The following AIM2 variants were observed in gnomAD, a reference collection of about 807,000 sequenced individuals.
The protein encoded by AIM2 is interferon-inducible protein AIM2.
In AIM2, 30 loss-of-function variants were observed where a neutral mutation model predicts 27.7. The ratio of observed to expected loss-of-function variants is 1.08; its 90% CI spans 0.81 to 1.47. The LOEUF (loss-of-function observed/expected upper bound fraction) is 1.47, where lower values mean the gene tolerates loss of function less well. AIM2 is among the 40% of genes most tolerant of loss of function. The probability of loss-of-function intolerance (pLI) is 0.00; values close to 1 mark genes in which losing one functional copy is unlikely to be tolerated. For synonymous variants in AIM2, 141 were observed against 145.3 expected (o/e 0.97, Z 0.21); for missense variants, 358 against 411.3 (o/e 0.87, Z 1.12).
chr1:159,120,093 T>C (rs375658880), intron 1 of AIM2, among the ~76,000 whole-genome samples: 161 of 152,286 alleles, frequency 1.1e-3, no homozygotes, highest in Non-Finnish European at 2.0e-3. Context: ...TATTTATTTC[T>C]CTTTTCTCAT....
At chr1:159,140,674 A>T (rs920898195), upstream of AIM2, among the ~76,000 whole-genome samples, 10 of 152,172 alleles carry the variant, frequency 6.6e-5, no homozygotes, top group African/African-American at 2.4e-4. Flanking sequence ...AGAGGTAGCA[A>T]TATGCAAGGG....
At chr1:159,125,348 A>T (rs1448911054) in intron 1 of AIM2, among the ~76,000 whole-genome samples, 1 of 152,228 alleles carries the variant, frequency 6.6e-6, no homozygotes, top group African/African-American at 2.4e-5. Context: ...AGAGGCTGTG[A>T]GCTTAGATTT....
intron 1 of AIM2, among the ~76,000 whole-genome samples, chr1:159,092,280 T>C (rs572378456): frequency 6.6e-6 from 1 of 152,136 alleles, no homozygotes; most frequent in Non-Finnish European, 1.5e-5. Flanking sequence ...CTGAAAACAA[T>C]TAAGTTACTA....
chr1:159,117,648 T>C (rs894332513), intron 1 of AIM2, among the ~76,000 whole-genome samples: 1 of 152,010 alleles, frequency 6.6e-6, no homozygotes, highest in Admixed American at 6.6e-5. Flanking sequence ...GCTTTTAAAA[T>C]AAAATGGTTA....
Position 159,073,325 on chromosome 1 carries a change from C to A in AIM2, c.175G>T (p.Val59Leu). 6.2e-7 allele frequency: 1 copy of A among 1,614,216 alleles called. No individual in the cohort carries two copies. Among genetic ancestry groups the A allele is most frequent in the Middle Eastern group, 1.6e-4 (1 of 6,062 alleles). The change falls in exon 2 of 6, where the codon GTG (valine) becomes TTG (leucine). Residue 59 changes from valine (V) to leucine (L), a missense_variant. Transcript: ENST00000368130. ...CGAATGGTCTTCATCACTGCAGACA[C>A]CGCCCCAGCATTTTGAATCATCAAG... is the stretch of plus-strand genomic sequence containing the variant. ...ATLMIQNAGAVSAVMKTIRIF... is the reference protein window; with the variant it reads ...ATLMIQNAGALSAVMKTIRIF...
At chr1:159,100,092 AG>A in intron 1 of AIM2, among the ~76,000 whole-genome samples, 1 of 152,350 alleles carries the variant, frequency 6.6e-6, no homozygotes, top group Admixed American at 6.5e-5. Flanking sequence ...CATCATGCAA[AG>A]TAAACTTTCC....
At chr1:159,116,003 C>T (rs1385800018) in intron 1 of AIM2, among the ~76,000 whole-genome samples, 2 of 151,344 alleles carry the variant, frequency 1.3e-5, no homozygotes, top group African/African-American at 4.9e-5. Flanking sequence ...ACAAACAACC[C>T]CATCAATAAG....
At chr1:159,094,694 T>C (rs1657132878) in intron 1 of AIM2, among the ~76,000 whole-genome samples, 4 of 152,134 alleles carry the variant, frequency 2.6e-5, no homozygotes, top group Admixed American at 1.3e-4. Flanking sequence ...CGAGACTCTG[T>C]CTCCGAAGAA....
chr1:159,110,778 T>A (rs1208718525), intron 1 of AIM2, among the ~76,000 whole-genome samples: 1 of 152,206 alleles, frequency 6.6e-6, no homozygotes, highest in Non-Finnish European at 1.5e-5. Flanking sequence ...ACAACTGAGA[T>A]CAAACCCTTC....
chr1:159,102,815 A>G (rs910719126), intron 1 of AIM2, among the ~76,000 whole-genome samples: 2 of 152,190 alleles, frequency 1.3e-5, no homozygotes, highest in African/African-American at 4.8e-5. Flanking sequence ...CTAAGAAGTA[A>G]CCAACTTGGT....
At chr1:159,121,257 C>T (rs1647527317) in intron 1 of AIM2, among the ~76,000 whole-genome samples, 1 of 152,144 alleles carries the variant, frequency 6.6e-6, no homozygotes, top group African/African-American at 2.4e-5. Flanking sequence ...TTTTCAATTC[C>T]AGTTAAGCCA....
At chr1:159,057,675 A>C (rs985255912), downstream of AIM2, among the ~76,000 whole-genome samples, 5 of 152,214 alleles carry the variant, frequency 3.3e-5, no homozygotes, top group African/African-American at 4.8e-5. Context: ...TCTAAACTGT[A>C]GGCAAAAACT....
rs1656091765 is a variant in AIM2, at chr1:159,066,306, G to C, written c.420C>G (p.Ala140=). Residue 140 remains alanine, a synonymous_variant, in exon 4 of 6, where the codon GCC becomes GCG. Transcript: ENST00000368130. ...ACCCTTCTCTGATAGATTCCTGCTG[G>C]GCCACCATCTGTTTCTGTTCAGGCT... ...HVKPEQKQMV[A]QQESIREGFQ... The C allele has an allele frequency of 6.2e-7, 1 of 1,612,778 alleles. No homozygotes were observed. Among genetic ancestry groups the C allele is most frequent in the African/African-American group, 1.3e-5 (1 of 74,740 alleles).
At chr1:159,113,152 G>A (rs1165078418) in intron 1 of AIM2, among the ~76,000 whole-genome samples, 2 of 152,056 alleles carry the variant, frequency 1.3e-5, no homozygotes, top group African/African-American at 4.8e-5. Context: ...CACCATGTTA[G>A]CCAGGATGGT....
chr1:159,100,116 T>G (rs1366820971), intron 1 of AIM2, among the ~76,000 whole-genome samples: 1 of 152,250 alleles, frequency 6.6e-6, no homozygotes, highest in Non-Finnish European at 1.5e-5. Flanking sequence ...AAACATGGTC[T>G]GCCCTTTCTC....
chr1:159,056,698 A>T, the AIM2 span, among the ~76,000 whole-genome samples: 1 of 121,938 alleles, frequency 8.2e-6, no homozygotes, highest in African/African-American at 3.1e-5. Flanking sequence ...AAGGAGAGGG[A>T]GGCCAAAAGC....
intron 2 of AIM2, 103 bp from the exon 3 acceptor site, chr1:159,068,804 T>A: frequency 1.7e-6 from 2 of 1,212,072 alleles, no homozygotes; most frequent in Non-Finnish European, 2.3e-6. Context: ...TATTAAGATA[T>A]CTTCAAGAAC....
chr1:159,086,048 T>A (rs186250539), intron 1 of AIM2, among the ~76,000 whole-genome samples: 124 of 152,320 alleles, frequency 8.1e-4, no homozygotes, highest in Non-Finnish European at 1.3e-3. Flanking sequence ...TCAATAAAGC[T>A]GGTGGTGGAG....
intron 2 of AIM2, among the ~76,000 whole-genome samples, chr1:159,070,075 C>T (rs1344615798): frequency 1.3e-5 from 2 of 152,182 alleles, no homozygotes; most frequent in Non-Finnish European, 2.9e-5. Context: ...CCATGGAACC[C>T]GCTTTGACCA....
Sources: gnomAD v4.1 joint callset for allele counts (sites outside exome capture counted in the v4.1 genomes callset) on GRCh38, gnomAD v4.1.1 for gene constraint, MANE v1.5 for transcripts, NCBI Gene and HGNC (gene_info 2026-07-23, HGNC 2026-07-21) for gene names.